PABPN1: variants seen among roughly 807,000 people sequenced by gnomAD.
The protein encoded by PABPN1 is poly(A) binding protein nuclear 1.
PABPN1 carries 5 observed loss-of-function variants against 33.4 expected under a neutral mutation model. The observed-to-expected ratio is 0.15, with a 90% CI of 0.08 to 0.32. The LOEUF (loss-of-function observed/expected upper bound fraction) is 0.32. Ranked by LOEUF, PABPN1 falls within the 10% of genes least tolerant of loss-of-function variation. PABPN1 has a pLI of 1.00. For missense variants in PABPN1, 312 were observed against 425.8 expected, an observed-to-expected ratio of 0.73 and a Z score of 2.35; for synonymous variants, 176 against 170.6, an observed-to-expected ratio of 1.03 and a Z score of -0.25.
At chr14:23,324,947 A>G (rs1888622763) in intron 6 of PABPN1, 1 of 374,394 alleles carries the variant, frequency 2.7e-6, no homozygotes, top group Non-Finnish European at 4.8e-6. Context: ...CCTAGGGTTT[A>G]AGAGCTGTGG....
intron 2 of PABPN1, chr14:23,322,667 A>T: frequency 4.3e-6 from 2 of 462,484 alleles, no homozygotes. Flanking sequence ...TTTCCCCTTT[A>T]ATCTAGAAAT....
chr14:23,321,747 C>T lies in PABPN1; in HGVS notation c.278C>T (p.Pro93Leu), dbSNP rs942675330. Residue 93 changes from proline to leucine, a missense_variant, in exon 1 of 7, where the codon CCC becomes CTC. Pro to Leu is a moderately conservative substitution (Grantham distance 98). Around this residue, in one of 3 missense-constraint regions of PABPN1, gnomAD observed 167 missense variants for 168.9 expected, o/e 0.99. Transcript: ENST00000216727. Reference sequence around the variant, plus strand: ...GGCCCTGGGCCTGGTTCGGGAGCCCCCGGCAGCCAAGAGGAGGAGGAGGAG... The same window carrying T: ...GGCCCTGGGCCTGGTTCGGGAGCCCTCGGCAGCCAAGAGGAGGAGGAGGAG... Reference protein sequence around the residue: ...APGPGPGSGAPGSQEEEEEPG... With the variant: ...APGPGPGSGALGSQEEEEEPG... 1 of 1,540,178 alleles carries T rather than the reference C, an allele frequency of 6.5e-7. No individual in the cohort carries two copies.
intron 1 of PABPN1, 148 bp downstream of exon 1, chr14:23,321,968 G>T: frequency 1.3e-6 from 1 of 772,932 alleles, no homozygotes; most frequent in Non-Finnish European, 2.0e-6. Flanking sequence ...GGATGGGTCA[G>T]CGATCACTAC....
intron 2 of PABPN1, 107 bp downstream of exon 2, chr14:23,322,402 C>A: frequency 2.1e-6 from 2 of 965,340 alleles, no homozygotes; most frequent in Non-Finnish European, 3.3e-6. Flanking sequence ...AGCTGCTTGT[C>A]TGAGCTATTA....
chr14:23,324,799 C>T, intron 6 of PABPN1: 1 of 247,686 alleles, frequency 4.0e-6, no homozygotes, highest in East Asian at 9.6e-5. Flanking sequence ...CTCACTGGGC[C>T]TAGTGTGGTG....
intron 6 of PABPN1, chr14:23,324,764 T>C: frequency 3.8e-6 from 1 of 259,984 alleles, no homozygotes; most frequent in Non-Finnish European, 7.5e-6. Flanking sequence ...ATTCTTTATT[T>C]GAGCCAGTCT....
chr14:23,325,614 G>A lies in PABPN1; in HGVS notation c.*328G>A, dbSNP rs1888694396. The stretch of plus-strand genomic sequence containing the variant: ...CCCCTTGGGGGCTGCTCAAGGGTAG[G>A]TGGGCGTGGGTGGTAGGAGGTTTTT... On this transcript the variant is annotated 3_prime_UTR_variant, in exon 7 of 7. Coordinates refer to ENST00000216727, the MANE Select transcript of PABPN1 (RefSeq NM_004643.4). 3.5e-6 allele frequency: 1 copy of A among 281,762 alleles called. No individual in the cohort carries two copies. The highest frequency in any genetic ancestry group is 6.4e-6 in the Non-Finnish European group (1 of 156,094). 17.5% of individuals were successfully genotyped at this position (281,762 alleles called of 1,614,324 possible). A position where few individuals can be genotyped will look rare whatever the true frequency, so the allele number is the denominator to read the frequency against.
intron 6 of PABPN1, 178 bp downstream of exon 6, chr14:23,324,467 A>G: frequency 2.6e-6 from 2 of 759,466 alleles, no homozygotes; most frequent in Non-Finnish European, 4.4e-6. Flanking sequence ...GGCCAGCCTC[A>G]TCATCTTTTC....
chr14:23,324,397 T>G, intron 6 of PABPN1, 108 bp downstream of exon 6: 1 of 1,255,662 alleles, frequency 8.0e-7, no homozygotes, highest in Non-Finnish European at 1.1e-6. Flanking sequence ...CCCGTGGTCT[T>G]CAGGAACTTT....
chr14:23,324,407 T>C, intron 6 of PABPN1, 118 bp downstream of exon 6: 2 of 1,217,906 alleles, frequency 1.6e-6, no homozygotes, highest in Non-Finnish European at 2.3e-6. Flanking sequence ...TCAGGAACTT[T>C]GTCTCCTGCC....
Position 23,323,077 on chromosome 14 carries a change from G to A in PABPN1, c.534+11G>A. The A allele has an allele frequency of 6.2e-7, 1 of 1,614,056 alleles. No homozygotes were observed. Among genetic ancestry groups the A allele is most frequent in the Non-Finnish European group, 8.5e-7 (1 of 1,179,986 alleles). On this transcript the variant is annotated intron_variant, in intron 3 of 6. Coordinates refer to ENST00000216727, the MANE Select transcript of PABPN1 (RefSeq NM_004643.4). ...ATCTATGTTGGCAATGTACGTACTG[G>A]GGCTCTGACTGGGGTTGGGGGCAAG... is the stretch of plus-strand genomic sequence containing the variant.
rs573692339 is a variant in PABPN1 at position 23,323,079 on chromosome 14, G to T, written c.534+13G>T. The T allele has an allele frequency of 2.5e-6, 4 of 1,614,140 alleles. No individual in the cohort carries two copies. The highest frequency in any genetic ancestry group is 4.5e-5 in the East Asian group (2 of 44,882). ...CTATGTTGGCAATGTACGTACTGGG[G>T]CTCTGACTGGGGTTGGGGGCAAGTT... On this transcript the variant is annotated intron_variant, in intron 3 of 6. Transcript: ENST00000216727.
rs542174392 is a variant in PABPN1 at position 23,326,052 on chromosome 14, G to C, written c.*766G>C. 5 of 151,900 alleles carry C rather than the reference G, an allele frequency of 3.3e-5. No individual in the cohort carries two copies. The highest frequency in any genetic ancestry group is 6.6e-5 in the Admixed American group (1 of 15,218). 9.4% of individuals were successfully genotyped at this position (151,900 alleles called of 1,614,324 possible). On this transcript the variant is annotated 3_prime_UTR_variant, in exon 7 of 7. Transcript: ENST00000216727. ...TTTTATTTGGAGGGAATGGGAGGAAGTGGGAACAGGGAGGTGGGAGGTGGA... is the reference window on the plus strand; with the variant it reads ...TTTTATTTGGAGGGAATGGGAGGAACTGGGAACAGGGAGGTGGGAGGTGGA...
rs746224983 is a variant in PABPN1, at chr14:23,322,133, C to T, written c.352-48C>T. The T allele has an allele frequency of 3.9e-6, 6 of 1,549,712 alleles. No homozygotes were observed. In the Admixed American group the frequency reaches 7.6e-5, roughly 20 times the overall value. On this transcript the variant is annotated intron_variant, in intron 1 of 6. Transcript: ENST00000216727. ...GGCCGAGAGCAGGGCACAGCCCCTG[C>T]GTTGGTTCCTCTTAAGCTGTCCTCC...
chr14:23,321,533 G>T lies in PABPN1; in HGVS notation c.64G>T (p.Gly22Trp). The change falls in exon 1 of 7, where the codon GGG (glycine) becomes TGG (tryptophan). Residue 22 changes from glycine (G) to tryptophan (W), a missense_variant. Transcript: ENST00000216727. ...TGCGGGCGGTCGGGGCTCCGGGCCGGGGCGGCGGCGCCATCTTGTGCCCGG... is the reference window on the plus strand; with the variant it reads ...TGCGGGCGGTCGGGGCTCCGGGCCGTGGCGGCGGCGCCATCTTGTGCCCGG... ...GAAGGRGSGP[G>W]RRRHLVPGAG... 7.7e-7 allele frequency: 1 copy of T among 1,291,812 alleles called. No homozygotes were observed. Among genetic ancestry groups the T allele is most frequent in the East Asian group, 3.1e-5 (1 of 31,912 alleles). 80.0% of individuals were successfully genotyped at this position (1,291,812 alleles called of 1,614,324 possible). A position where few individuals can be genotyped will look rare whatever the true frequency, so the allele number is the denominator to read the frequency against.
intron 1 of PABPN1, 98 bp from the exon 2 acceptor site, chr14:23,322,083 C>T: frequency 6.9e-6 from 9 of 1,299,844 alleles, no homozygotes; most frequent in Non-Finnish European, 9.8e-6. Context: ...AGGGAAATGG[C>T]CGAGCATGGC....
chr14:23,325,071 C>T, intron 6 of PABPN1, 176 bp from the exon 7 acceptor site: 7 of 791,316 alleles, frequency 8.8e-6, no homozygotes, highest in Non-Finnish European at 1.3e-5. Flanking sequence ...CCTCCCCCTG[C>T]CCCAGTTCTC....
Position 23,324,508 on chromosome 14 carries a change from C to T in PABPN1, c.881+219C>T. On this transcript the variant is annotated intron_variant, in intron 6 of 6. Coordinates refer to ENST00000216727, the MANE Select transcript of PABPN1 (RefSeq NM_004643.4). The stretch of plus-strand genomic sequence containing the variant: ...TAGAAATTGGTGATAAGGGCTGCAT[C>T]CCTCCCTTGGTTCAAAGAGGCTTCC... 9 of 628,452 alleles carry T rather than the reference C, an allele frequency of 1.4e-5. No individual in the cohort carries two copies. In the South Asian group the frequency reaches 1.7e-4, roughly 12 times the overall value. The allele number at this position is 628,452 out of a possible 1,614,324, so 38.9% of individuals were successfully genotyped here.
At position 23,321,658 on chromosome 14, in the gene PABPN1, GC is replaced by G; in HGVS notation, c.192del (p.Glu65SerfsTer72). The stretch of plus-strand genomic sequence containing the variant: ...TGGAGCCTGAGGAGCTGCTGCTGGA[GC>G]CCGAGCCGGAGCCCGAGCCCGAAGA... ...ELEPEELLLE[P>X]EPEPEPEEEP... On this transcript the variant is annotated frameshift_variant, in exon 1 of 7. Coordinates refer to ENST00000216727, the MANE Select transcript of PABPN1 (RefSeq NM_004643.4). LOFTEE classifies it high-confidence loss of function. The G allele has an allele frequency of 6.6e-7, 1 of 1,515,480 alleles. No homozygotes were observed. Among genetic ancestry groups the G allele is most frequent in the Non-Finnish European group, 8.9e-7 (1 of 1,118,752 alleles). The allele number at this position is 1,515,480 out of a possible 1,614,324, so 93.9% of individuals were successfully genotyped here. A position where few individuals can be genotyped will look rare whatever the true frequency, so the allele number is the denominator to read the frequency against.
Sources: gnomAD v4.1 joint callset for allele counts on GRCh38, gnomAD v4.1.1 for gene constraint, gnomAD v4.1.1 regional missense constraint, MANE v1.5 for transcripts, NCBI Gene and HGNC (gene_info 2026-07-23, HGNC 2026-07-21) for gene names.